The following HIPK1 variants were observed in gnomAD, a reference collection of about 807,000 sequenced individuals.
The protein encoded by HIPK1 is homeodomain-interacting protein kinase 1.
A neutral mutation model predicts 117.1 loss-of-function variants in HIPK1; 28 were observed. The ratio of observed to expected loss-of-function variants is 0.24; its 90% CI spans 0.18 to 0.33. The LOEUF is 0.33. HIPK1 is among the 10% of genes least tolerant of loss of function. The pLI is 1.00. For missense variants in HIPK1, 1,122 were observed against 1,475.1 expected, an observed-to-expected ratio of 0.76 and a Z score of 3.92; for synonymous variants, 605 against 562.5, an observed-to-expected ratio of 1.08 and a Z score of -1.07.
At position 113,967,884 on chromosome 1, in the gene HIPK1, A is replaced by G; in HGVS notation, c.2500A>G (p.Arg834Gly). The change falls in exon 12 of 16, where the codon AGA becomes GGA. Residue 834 changes from arginine to glycine, a missense_variant. Physicochemically the swap from Arg to Gly is moderately radical, Grantham distance 125. Coordinates refer to ENST00000426820, the MANE Select transcript of HIPK1 (RefSeq NM_198268.3). ...GAATGTTGGTGTTGCCCATGTTGTC[A>G]GACAACAACAATCCAGTTCCCTCCC... Reference protein sequence around the residue: ...PLNVGVAHVVRQQQSSSLPSK... With the variant: ...PLNVGVAHVVGQQQSSSLPSK... 6.2e-7 allele frequency: 1 copy of G among 1,611,614 alleles called. No individual in the cohort carries two copies. Among genetic ancestry groups the G allele is most frequent in the Non-Finnish European group, 8.5e-7 (1 of 1,179,420 alleles).
Position 113,929,430 on chromosome 1 carries a change from T to C in HIPK1, c.-105T>C. The C allele has an allele frequency of 7.8e-7, 1 of 1,289,384 alleles. No individual in the cohort carries two copies. The highest frequency in any genetic ancestry group is 1.0e-6 in the Non-Finnish European group (1 of 988,860). 79.9% of individuals were successfully genotyped at this position (1,289,384 alleles called of 1,614,324 possible). A position where few individuals can be genotyped will look rare whatever the true frequency, so the allele number is the denominator to read the frequency against. On this transcript the variant is annotated 5_prime_UTR_variant, in exon 1 of 16. Transcript: ENST00000426820. ...TCCAGGCCCCGCACTCGATCCACGC[T>C]GGCTCCCTACGGAGGCCCACCTACT...
chr1:113,949,199 C>T (rs1006519645), intron 2 of HIPK1, among the ~76,000 whole-genome samples: 7 of 152,124 alleles, frequency 4.6e-5, no homozygotes, highest in Non-Finnish European at 8.8e-5. Flanking sequence ...CTGTGACCTA[C>T]CTTTTGGACT....
At chr1:113,930,402 G>A (rs1426178105) in intron 1 of HIPK1, 2 of 152,360 alleles carry the variant, frequency 1.3e-5, no homozygotes, top group East Asian at 3.8e-4. Flanking sequence ...CAGTGGGGTG[G>A]GTGTGGAAGC....
rs148540287 is a variant in HIPK1 at position 113,952,769 on chromosome 1, T to A, written c.1080T>A (p.Ala360=). The change falls in exon 3 of 16, where the codon GCT becomes GCA. Residue 360 remains alanine, a synonymous_variant. Coordinates refer to ENST00000426820, the MANE Select transcript of HIPK1 (RefSeq NM_198268.3). ...STYLQSRYYR[A]PEIILGLPFC... is the part of the protein sequence containing the mutation. ...TGATATTTTTTGTTTTTGCTAGAGC[T>A]CCTGAAATTATTCTTGGGTTACCAT... is the stretch of plus-strand genomic sequence containing the variant. 1.2e-5 allele frequency: 17 copies of A among 1,465,448 alleles called. No homozygotes were observed. In the African/African-American group the frequency reaches 2.2e-4, roughly 19 times the overall value. 90.8% of individuals were successfully genotyped at this position (1,465,448 alleles called of 1,614,324 possible).
At position 113,941,167 on chromosome 1, in the gene HIPK1, A is replaced by G. The variant is rs1280425473; in HGVS notation, c.784A>G (p.Asn262Asp). The G allele has an allele frequency of 1.9e-6, 3 of 1,614,276 alleles. No individual in the cohort carries two copies. ...TTCATACGAGTGCTTTCAGCATAAG[A>G]ATCACACCTGCCTTGTTTTTGAAAT... ...VRSYECFQHKNHTCLVFEMLE... is the reference protein window; with the variant it reads ...VRSYECFQHKDHTCLVFEMLE... Residue 262 changes from asparagine to aspartate, a missense_variant, in exon 2 of 16, where the codon AAT (asparagine) becomes GAT (aspartate). By Grantham distance (23) the Asn-to-Asp change is conservative. Coordinates refer to ENST00000426820, the MANE Select transcript of HIPK1 (RefSeq NM_198268.3). This position sits in a 1 kb window ranked among gnomAD's most constrained non-coding sequence, Gnocchi z 4.9.
At chr1:113,937,094 G>C (rs1163017340) in intron 1 of HIPK1, among the ~76,000 whole-genome samples, 1 of 152,194 alleles carries the variant, frequency 6.6e-6, no homozygotes, top group Non-Finnish European at 1.5e-5. Flanking sequence ...GGTAGAACAA[G>C]ATGATTTGTA....
At position 113,939,373 on chromosome 1, in the gene HIPK1, C is replaced by T. The variant is rs942850843; in HGVS notation, c.-2-1009C>T. 3.3e-5 allele frequency among the ~76,000 whole-genome samples: 5 copies of T among 149,862 alleles called. No homozygotes were observed. In the East Asian group the frequency reaches 5.9e-4, roughly 18 times the overall value. ...TGTTGTTGTTTGTTTGTTTTAGAGA[C>T]GGTTTCACCATGTTGCCCAGGCTGG... On this transcript the variant is annotated intron_variant, in intron 1 of 15. Coordinates refer to ENST00000426820, the MANE Select transcript of HIPK1 (RefSeq NM_198268.3).
intron 1 of HIPK1, among the ~76,000 whole-genome samples, chr1:113,936,826 A>G (rs998038663): frequency 3.9e-5 from 6 of 152,220 alleles, no homozygotes; most frequent in Admixed American, 3.9e-4. Flanking sequence ...CAAATTTTCT[A>G]TTTAGATTCT....
Position 113,955,547 on chromosome 1 carries a change from A to G in HIPK1, c.1321-16A>G. 7.0e-7 allele frequency: 1 copy of G among 1,429,562 alleles called. No homozygotes were observed. The highest frequency in any genetic ancestry group is 9.7e-7 in the Non-Finnish European group (1 of 1,027,616). 88.6% of individuals were successfully genotyped at this position (1,429,562 alleles called of 1,614,324 possible). ...CATACAGATGGAATTTAAGGAGGAA[A>G]ATCTTTATTTTATAGACACCTGAAG... On this transcript the variant is annotated splice_polypyrimidine_tract_variant and intron_variant, in intron 4 of 15. Coordinates refer to ENST00000426820, the MANE Select transcript of HIPK1 (RefSeq NM_198268.3).
At chr1:113,963,286 T>C in intron 9 of HIPK1, 101 bp from the exon 10 acceptor site, 2 of 1,327,132 alleles carry the variant, frequency 1.5e-6, no homozygotes, top group Non-Finnish European at 1.0e-6. Flanking sequence ...ATCAAATTAC[T>C]GTTCATTGTC....
intron 1 of HIPK1, among the ~76,000 whole-genome samples, chr1:113,934,784 GAAAAAAAAAAAAA>G (rs564619583): frequency 7.8e-5 from 4 of 51,524 alleles, no homozygotes; most frequent in African/African-American, 3.1e-4. Flanking sequence ...CCTCATCTCT[GAAAAAAAAAAAAA>G]AAAAAAAAAA....
rs999989879 is a variant in HIPK1 at position 113,929,408 on chromosome 1, A to G, written c.-127A>G. The G allele has an allele frequency of 7.8e-7, 1 of 1,289,214 alleles. No individual in the cohort carries two copies. Among genetic ancestry groups the G allele is most frequent in the Non-Finnish European group, 1.0e-6 (1 of 988,834 alleles). The allele number at this position is 1,289,214 out of a possible 1,614,324, so 79.9% of individuals were successfully genotyped here. A position where few individuals can be genotyped will look rare whatever the true frequency, so the allele number is the denominator to read the frequency against. ...GCAGTGCGGAGGGGGCGGGAAGTCC[A>G]GGCCCCGCACTCGATCCACGCTGGC... On this transcript the variant is annotated 5_prime_UTR_variant, in exon 1 of 16. Transcript: ENST00000426820.
intron 1 of HIPK1, among the ~76,000 whole-genome samples, chr1:113,931,080 T>TGG (rs1669862440): frequency 6.6e-6 from 1 of 152,082 alleles, no homozygotes; most frequent in Non-Finnish European, 1.5e-5. Context: ...CTTGATGAAA[T>TGG]AGGGTTAAAT....
At chr1:113,944,188 T>TG (rs1670839512) in intron 2 of HIPK1, among the ~76,000 whole-genome samples, 1 of 143,338 alleles carries the variant, frequency 7.0e-6, no homozygotes, top group Non-Finnish European at 1.5e-5. Context: ...TTTTTTTTTT[T>TG]GAGATGGAGT....
Position 113,957,239 on chromosome 1 carries a change from A to G in HIPK1, c.1708A>G (p.Asn570Asp), listed in dbSNP as rs778263049. Residue 570 changes from asparagine to aspartate, a missense_variant, in exon 7 of 16, where the codon AAT becomes GAT. This residue lies in a region of HIPK1 where 731 missense variants were observed against 860.4 expected (regional missense o/e 0.85). Coordinates refer to ENST00000426820, the MANE Select transcript of HIPK1 (RefSeq NM_198268.3). Reference protein sequence around the residue: ...TTHVAPNTSTNLTMSFSNQLN... With the variant: ...TTHVAPNTSTDLTMSFSNQLN... ...ACATGTTGCCCCAAATACAAGCACA[A>G]ATCTAACCATGAGCTTCAGCAATCA... is the stretch of plus-strand genomic sequence containing the variant. The G allele has an allele frequency of 1.9e-6, 3 of 1,613,896 alleles. No homozygotes were observed. Among genetic ancestry groups the G allele is most frequent in the East Asian group, 4.5e-5 (2 of 44,884 alleles).
At position 113,977,116 on chromosome 1, in the gene HIPK1, A is replaced by G. The variant is rs192567386; in HGVS notation, c.*3604A>G. The stretch of plus-strand genomic sequence containing the variant: ...TGCCCTTAGCCAGGCAAGCACAGTA[A>G]TGTGTGTTTTGTTCAGCATTATTAT... On this transcript the variant is annotated 3_prime_UTR_variant, in exon 16 of 16. Transcript: ENST00000426820. 11 of 152,820 alleles carry G rather than the reference A, an allele frequency of 7.2e-5. No individual in the cohort carries two copies. The highest frequency in any genetic ancestry group is 1.0e-4 in the Non-Finnish European group (7 of 68,028). 9.5% of individuals were successfully genotyped at this position (152,820 alleles called of 1,614,324 possible).
chr1:113,946,928 C>T (rs1671025293), intron 2 of HIPK1, among the ~76,000 whole-genome samples: 2 of 152,130 alleles, frequency 1.3e-5, no homozygotes, highest in South Asian at 2.1e-4. Context: ...TAGTTTTACC[C>T]GCAGTGGTCC....
intron 2 of HIPK1, 143 bp from the exon 3 acceptor site, chr1:113,952,623 A>G: frequency 7.6e-6 from 4 of 527,482 alleles, no homozygotes; most frequent in Non-Finnish European, 1.2e-5. Context: ...GCTTCAGATG[A>G]TGGATTGTAT....
intron 15 of HIPK1, among the ~76,000 whole-genome samples, chr1:113,972,293 C>T (rs755670610): frequency 1.3e-5 from 2 of 152,108 alleles, no homozygotes; most frequent in Non-Finnish European, 2.9e-5. Context: ...TCCCCCAGGC[C>T]ATAAGTAAGC....
Sources: allele counts gnomAD v4.1 joint callset (sites outside exome capture counted in the v4.1 genomes callset), GRCh38; gene constraint gnomAD v4.1.1; regional missense constraint gnomAD v4.1.1; non-coding constraint Gnocchi (gnomAD v3.1); transcripts MANE v1.5; gene names NCBI Gene and HGNC (gene_info 2026-07-23, HGNC 2026-07-21).